Variants in SPIDR observed in about 807,000 individuals in gnomAD.
SPIDR encodes scaffold protein involved in DNA repair, also known as DNA repair-scaffolding protein.
Under a neutral mutation model 104.6 loss-of-function variants are expected in SPIDR, and 93 were observed. The observed-to-expected ratio is 0.89, with a 90% CI of 0.75 to 1.06. SPIDR has a LOEUF of 1.06. Ranked by LOEUF, SPIDR falls within the 50% of genes least tolerant of loss-of-function variation. The pLI, the probability that SPIDR is intolerant of heterozygous loss-of-function variation, is 0.00. For synonymous variants in SPIDR, 431 were observed against 416.9 expected, an observed-to-expected ratio of 1.03 and a Z score of -0.41; for missense variants, 1,154 against 1,111.2, an observed-to-expected ratio of 1.04 and a Z score of -0.55.
At chr8:47,360,537 G>T (rs975362182) in intron 5 of SPIDR, among the ~76,000 whole-genome samples, 1 of 152,156 alleles carries the variant, frequency 6.6e-6, no homozygotes, top group Admixed American at 6.5e-5. Context: ...GTGAAAACCC[G>T]TAGGCTTAGA....
chr8:47,567,221 A>AT (rs1292228254), intron 8 of SPIDR, among the ~76,000 whole-genome samples: 3 of 149,050 alleles, frequency 2.0e-5, no homozygotes, highest in African/African-American at 7.5e-5. Flanking sequence ...CTATATATAT[A>AT]TATATATTTT....
chr8:47,715,199 T>G (rs2082399875), intron 16 of SPIDR, among the ~76,000 whole-genome samples: 1 of 152,030 alleles, frequency 6.6e-6, no homozygotes, highest in South Asian at 2.1e-4. Flanking sequence ...TGTTTTGAGA[T>G]GGAGTCTCGC....
chr8:47,583,322 A>AT (rs1169408905), intron 8 of SPIDR, among the ~76,000 whole-genome samples: 1 of 151,242 alleles, frequency 6.6e-6, no homozygotes, highest in Admixed American at 6.6e-5. Flanking sequence ...AAAAAAAAAA[A>AT]AGTATCAGTG....
intron 8 of SPIDR, among the ~76,000 whole-genome samples, chr8:47,451,761 G>A (rs2071796161): frequency 6.6e-6 from 1 of 152,154 alleles, no homozygotes; most frequent in Non-Finnish European, 1.5e-5. Flanking sequence ...GTAGAACCCT[G>A]TGTATTATAG....
At chr8:47,261,245 G>C (rs987014818) in intron 1 of SPIDR, among the ~76,000 whole-genome samples, 7 of 152,212 alleles carry the variant, frequency 4.6e-5, no homozygotes, top group Non-Finnish European at 1.0e-4. Flanking sequence ...GGGTGGGACC[G>C]CCGAGGGACG....
chr8:47,293,729 T>G, intron 4 of SPIDR, 138 bp from the exon 5 acceptor site: 24 of 933,450 alleles, frequency 2.6e-5, no homozygotes, highest in Non-Finnish European at 3.5e-5. Flanking sequence ...ATTACAGGCA[T>G]GAGCTATTGT....
intron 1 of SPIDR, among the ~76,000 whole-genome samples, chr8:47,271,881 G>A (rs1039068853): frequency 7.2e-5 from 11 of 152,182 alleles, no homozygotes; most frequent in Middle Eastern, 3.4e-3. Context: ...TCCACCTCCC[G>A]GGTTCAAGCT....
intron 8 of SPIDR, among the ~76,000 whole-genome samples, chr8:47,465,133 G>A (rs1292377588): frequency 6.6e-6 from 1 of 152,176 alleles, no homozygotes; most frequent in Non-Finnish European, 1.5e-5. Flanking sequence ...CCTCATAAGT[G>A]AAGGCAAATA....
chr8:47,526,301 T>C (rs2084977427), intron 8 of SPIDR, among the ~76,000 whole-genome samples: 1 of 152,200 alleles, frequency 6.6e-6, no homozygotes, highest in Non-Finnish European at 1.5e-5. Context: ...GTCCATTGGA[T>C]TAGAGCCAGA....
chr8:47,581,409 T>C (rs2059680986), intron 8 of SPIDR, among the ~76,000 whole-genome samples: 1 of 152,228 alleles, frequency 6.6e-6, no homozygotes, highest in Non-Finnish European at 1.5e-5. Context: ...GAGGGCTTTC[T>C]TTGATTCCCC....
intron 8 of SPIDR, among the ~76,000 whole-genome samples, chr8:47,460,934 T>C (rs782555018): frequency 3.9e-5 from 6 of 152,210 alleles, no homozygotes; most frequent in Non-Finnish European, 7.3e-5. Context: ...TTTCACTTGA[T>C]ACAAAGTTCT....
chr8:47,480,330 A>G (rs2076760033), intron 8 of SPIDR, among the ~76,000 whole-genome samples: 1 of 152,230 alleles, frequency 6.6e-6, no homozygotes, highest in Non-Finnish European at 1.5e-5. Flanking sequence ...TAAAAGCTAT[A>G]TCTTAGATAC....
intron 11 of SPIDR, among the ~76,000 whole-genome samples, chr8:47,677,420 G>T (rs184347272): frequency 6.6e-6 from 1 of 152,138 alleles, no homozygotes; most frequent in African/African-American, 2.4e-5. Context: ...TGGGGAGTGG[G>T]GAAAGGAGAC....
chr8:47,422,043 C>G (rs553322570), intron 7 of SPIDR, among the ~76,000 whole-genome samples: 1 of 152,326 alleles, frequency 6.6e-6, no homozygotes, highest in South Asian at 2.1e-4. Flanking sequence ...CACAGTTGGG[C>G]TACTCGGAGG....
chr8:47,720,570 A>G (rs962590498), intron 16 of SPIDR, among the ~76,000 whole-genome samples: 2 of 152,206 alleles, frequency 1.3e-5, no homozygotes, highest in East Asian at 1.9e-4. Flanking sequence ...CCTTAATGAC[A>G]TATGACATTT....
chr8:47,728,081 C>T (rs1026343373), intron 17 of SPIDR, among the ~76,000 whole-genome samples: 1 of 151,608 alleles, frequency 6.6e-6, no homozygotes, highest in Non-Finnish European at 1.5e-5. Flanking sequence ...CACACCACTG[C>T]ACTCCAGCCT....
chr8:47,671,785 G>C (rs564923164), intron 10 of SPIDR, among the ~76,000 whole-genome samples: 93 of 152,140 alleles, frequency 6.1e-4, no homozygotes, highest in African/African-American at 1.6e-3. Flanking sequence ...GTGTTCCTTT[G>C]CAGATGTACT....
At chr8:47,393,457 G>T (rs1379736227) in intron 5 of SPIDR, among the ~76,000 whole-genome samples, 1 of 151,984 alleles carries the variant, frequency 6.6e-6, no homozygotes, top group Non-Finnish European at 1.5e-5. Flanking sequence ...ACCATCTGAG[G>T]TTGTTGGCTC....
At chr8:47,292,825 G>C (rs1256767563) in intron 4 of SPIDR, among the ~76,000 whole-genome samples, 1 of 151,944 alleles carries the variant, frequency 6.6e-6, no homozygotes, top group Non-Finnish European at 1.5e-5. Flanking sequence ...ATTTTGTATT[G>C]TGAGTATCTC....
Sources: gnomAD v4.1 joint callset for allele counts (sites outside exome capture counted in the v4.1 genomes callset) on GRCh38, gnomAD v4.1.1 for gene constraint, MANE v1.5 for transcripts, NCBI Gene and HGNC (gene_info 2026-07-23, HGNC 2026-07-21) for gene names.